KLF8: variants seen among roughly 807,000 people sequenced by gnomAD.
KLF8 encodes the protein Krueppel-like factor 8.
Under a neutral mutation model 18.2 loss-of-function variants are expected in KLF8, and 10 were observed. The ratio of observed to expected loss-of-function variants is 0.55; its 90% CI spans 0.34 to 0.93. The LOEUF is 0.93. Ranked by LOEUF, KLF8 falls within the 40% of genes least tolerant of loss-of-function variation. The probability of loss-of-function intolerance (pLI) is 0.02; values close to 1 mark genes in which losing one functional copy is unlikely to be tolerated. For missense variants in KLF8, 264 were observed against 277.9 expected (o/e 0.95, Z 0.36); for synonymous variants, 109 against 97.3 (o/e 1.12, Z -0.71).
the KLF8 span, among the ~76,000 whole-genome samples, chrX:56,037,574 C>G: frequency 9.0e-6 from 1 of 111,550 alleles, no homozygotes; most frequent in African/African-American, 3.2e-5. Flanking sequence ...ATTTTTATTA[C>G]TGATTCACTC....
At chrX:55,948,689 C>T in the KLF8 span, among the ~76,000 whole-genome samples, 1 of 110,180 alleles carries the variant, frequency 9.1e-6, no homozygotes, top group South Asian at 4.1e-4. Flanking sequence ...GTTTTTGGAG[C>T]CCGTTAGATC....
chrX:56,226,568 A>G, the KLF8 span, among the ~76,000 whole-genome samples: 1 of 111,818 alleles, frequency 8.9e-6, no homozygotes, highest in African/African-American at 3.3e-5. Flanking sequence ...CTACACCAAC[A>G]TTCTGTGATT....
chrX:55,975,916 C>G, the KLF8 span, among the ~76,000 whole-genome samples: 22 of 111,325 alleles, frequency 2.0e-4, no homozygotes, highest in Non-Finnish European at 3.6e-4. Flanking sequence ...TTGAGACCAG[C>G]CTGACCAACG....
the KLF8 span, among the ~76,000 whole-genome samples, chrX:56,136,665 A>G: frequency 1.8e-5 from 2 of 111,617 alleles, no homozygotes; most frequent in African/African-American, 6.5e-5. Flanking sequence ...AAGAAAACCT[A>G]GGCATTACCA....
At chrX:56,211,302 T>C in the KLF8 span, among the ~76,000 whole-genome samples, 1 of 112,666 alleles carries the variant, frequency 8.9e-6, no homozygotes, top group African/African-American at 3.2e-5. Flanking sequence ...CTTTATGGTC[T>C]TGGACAAGAT....
At chrX:55,989,687 G>T in the KLF8 span, among the ~76,000 whole-genome samples, 1 of 111,752 alleles carries the variant, frequency 8.9e-6, no homozygotes, top group Non-Finnish European at 1.9e-5. Flanking sequence ...ATCTCTGCCA[G>T]GCTTTGGTAT....
the KLF8 span, among the ~76,000 whole-genome samples, chrX:56,041,448 T>C: frequency 1.9e-5 from 2 of 106,795 alleles, no homozygotes; most frequent in African/African-American, 3.4e-5. Context: ...CTATTCTCTC[T>C]TTATTAGTCT....
At chrX:55,930,920 T>C in the KLF8 span, among the ~76,000 whole-genome samples, 3 of 112,079 alleles carry the variant, frequency 2.7e-5, no homozygotes, top group African/African-American at 9.7e-5. Context: ...GGGAGGATTC[T>C]CTCTTTTTCT....
rs2067261236 is a variant in KLF8 at position 56,285,725 on chromosome X, T to TA, written c.*1233dup. On this transcript the variant is annotated 3_prime_UTR_variant, in exon 6 of 6. Transcript: ENST00000468660. The stretch of plus-strand genomic sequence containing the variant: ...TTATTTTAGCTGATAGCAGATTGCA[T>TA]AATATACTCATTTAGCTGCCCAATC... The TA allele has an allele frequency of 9.0e-6, 1 of 111,720 alleles. No individual in the cohort carries two copies. Among genetic ancestry groups the TA allele is most frequent in the Non-Finnish European group, 1.9e-5 (1 of 53,136 alleles). The allele number at this position is 111,720 out of a possible 1,213,427, so 9.2% of individuals were successfully genotyped here.
the KLF8 span, among the ~76,000 whole-genome samples, chrX:56,027,734 C>T: frequency 2.7e-5 from 3 of 112,377 alleles, no homozygotes; most frequent in African/African-American, 6.5e-5. Flanking sequence ...CTCGAAGATC[C>T]GGTCTGCTAG....
chrX:56,018,797 G>C, the KLF8 span, among the ~76,000 whole-genome samples: 1 of 111,071 alleles, frequency 9.0e-6, no homozygotes, highest in Non-Finnish European at 1.9e-5. Flanking sequence ...ATGTGTGTGT[G>C]TGTGGTTTAA....
At chrX:56,057,005 C>A in the KLF8 span, among the ~76,000 whole-genome samples, 156 of 107,908 alleles carry the variant, frequency 1.4e-3, no homozygotes, top group African/African-American at 4.8e-3. Context: ...TGGCAGGGTG[C>A]ACACTTGTCA....
the KLF8 span, among the ~76,000 whole-genome samples, chrX:56,077,005 A>C: frequency 9.0e-6 from 1 of 110,551 alleles, no homozygotes. Flanking sequence ...TTTTTCTTGT[A>C]AATTTGTTTG....
At chrX:56,179,579 G>T in the KLF8 span, among the ~76,000 whole-genome samples, 1 of 112,002 alleles carries the variant, frequency 8.9e-6, no homozygotes, top group Non-Finnish European at 1.9e-5. Context: ...AGTTTTCAAA[G>T]GGAATGCTTC....
At chrX:55,915,412 C>T in the KLF8 span, among the ~76,000 whole-genome samples, 3 of 111,542 alleles carry the variant, frequency 2.7e-5, no homozygotes, top group African/African-American at 9.8e-5. Flanking sequence ...CAAAGTGAGT[C>T]AGTAACTGTG....
the KLF8 span, among the ~76,000 whole-genome samples, chrX:56,080,985 G>T: frequency 3.6e-5 from 4 of 110,656 alleles, no homozygotes; most frequent in Non-Finnish European, 5.7e-5. Context: ...CTCGAGCCTT[G>T]GTTTTCAGCT....
the KLF8 span, among the ~76,000 whole-genome samples, chrX:56,091,497 A>ATTAT: frequency 4.5e-5 from 5 of 110,598 alleles, no homozygotes; most frequent in East Asian, 8.5e-4. Context: ...TTTTGATATA[A>ATTAT]TTATTTATTT....
chrX:56,048,597 T>G, the KLF8 span, among the ~76,000 whole-genome samples: 2 of 111,905 alleles, frequency 1.8e-5, no homozygotes, highest in Admixed American at 1.9e-4. Context: ...GCATTATTTA[T>G]GAGGGTTCTG....
At chrX:56,048,675 G>C in the KLF8 span, among the ~76,000 whole-genome samples, 2 of 111,901 alleles carry the variant, frequency 1.8e-5, no homozygotes, top group Non-Finnish European at 3.8e-5. Flanking sequence ...CTGTAGCCTT[G>C]TAGTATAGTT....
Sources: allele counts gnomAD v4.1 joint callset (sites outside exome capture counted in the v4.1 genomes callset), GRCh38; gene constraint gnomAD v4.1.1; transcripts MANE v1.5; gene names NCBI Gene and HGNC (gene_info 2026-07-23, HGNC 2026-07-21).